Variants in OOSP2 observed in about 807,000 individuals in gnomAD.
OOSP2 encodes the protein oocyte-secreted protein 2.
Under a neutral mutation model 13.4 loss-of-function variants are expected in OOSP2, and 7 were observed. That is an observed-to-expected ratio of 0.52 (90% CI 0.30 to 0.98). OOSP2 has a LOEUF of 0.98. Ranked by LOEUF, OOSP2 falls within the 50% of genes least tolerant of loss-of-function variation. The pLI is 0.07. For synonymous variants in OOSP2, 75 were observed against 67.2 expected (o/e 1.12, Z -0.57); for missense variants, 184 against 188.5 (o/e 0.98, Z 0.14).
intron 3 of OOSP2, 115 bp from the exon 4 acceptor site, chr11:60,046,829 T>C: frequency 3.4e-6 from 3 of 885,298 alleles, no homozygotes; most frequent in Non-Finnish European, 3.9e-6. Flanking sequence ...ATGCTGGCTC[T>C]ATGCCATACT....
intron 3 of OOSP2, chr11:60,046,617 T>G (rs902326780): frequency 4.2e-6 from 2 of 471,560 alleles, no homozygotes; most frequent in African/African-American, 3.9e-5. Flanking sequence ...TTACTGTTCT[T>G]AGGATCCATT....
At position 60,047,046 on chromosome 11, in the gene OOSP2, A is replaced by G. The variant is rs764548711; in HGVS notation, c.450A>G (p.Leu150=). The stretch of plus-strand genomic sequence containing the variant: ...AGACAACAGCAGAAGAGTTAGGATT[A>G]TTATCTTCTAGTCCAAACTTGCTCT... ...DFQTTAEELG[L]LSSSPNLL is the part of the protein sequence containing the mutation. The change falls in exon 4 of 4, where the codon TTA becomes TTG. Residue 150 remains leucine, a synonymous_variant. Coordinates refer to ENST00000278855, the MANE Select transcript of OOSP2 (RefSeq NM_173801.5). 71 of 1,611,140 alleles carry G rather than the reference A, an allele frequency of 4.4e-5. No homozygotes were observed. Among genetic ancestry groups the G allele is most frequent in the Non-Finnish European group, 5.7e-5 (67 of 1,177,908 alleles).
At chr11:60,045,180 G>A (rs1434414393) in intron 3 of OOSP2, among the ~76,000 whole-genome samples, 1 of 152,040 alleles carries the variant, frequency 6.6e-6, no homozygotes, top group African/African-American at 2.4e-5. Flanking sequence ...TCTTATAAGA[G>A]TAAGTGGCTA....
chr11:60,043,903 A>G (rs1854973435), intron 2 of OOSP2, among the ~76,000 whole-genome samples: 1 of 152,216 alleles, frequency 6.6e-6, no homozygotes, highest in African/African-American at 2.4e-5. Flanking sequence ...ATTTTACTAA[A>G]TATTAGCAGA....
At chr11:60,046,492 G>A (rs1855009906) in intron 3 of OOSP2, among the ~76,000 whole-genome samples, 1 of 151,954 alleles carries the variant, frequency 6.6e-6, no homozygotes, top group Non-Finnish European at 1.5e-5. Flanking sequence ...TTTAGGTTTT[G>A]GGTGCATGAA....
Position 60,047,053 on chromosome 11 carries a change from T to A in OOSP2, c.457T>A (p.Ser153Thr). The A allele has an allele frequency of 6.2e-7, 1 of 1,611,568 alleles. No individual in the cohort carries two copies. The highest frequency in any genetic ancestry group is 8.5e-7 in the Non-Finnish European group (1 of 1,178,394). ...TTAEELGLLS[S>T]SPNLL ...AGCAGAAGAGTTAGGATTATTATCT[T>A]CTAGTCCAAACTTGCTCTGAGCTAA... The change falls in exon 4 of 4, where the codon TCT becomes ACT. Residue 153 changes from serine (S) to threonine (T), a missense_variant. Coordinates refer to ENST00000278855, the MANE Select transcript of OOSP2 (RefSeq NM_173801.5).
intron 1 of OOSP2, among the ~76,000 whole-genome samples, chr11:60,041,951 C>A (rs540983009): frequency 6.7e-6 from 1 of 149,928 alleles, no homozygotes; most frequent in Non-Finnish European, 1.5e-5. Context: ...CCAAGGTGGG[C>A]GGATCACGAG....
chr11:60,042,601 A>G (rs1854950251), intron 1 of OOSP2, among the ~76,000 whole-genome samples: 1 of 152,196 alleles, frequency 6.6e-6, no homozygotes, highest in Admixed American at 6.5e-5. Context: ...AATATAGAGG[A>G]TAAAGATGGG....
Position 60,040,540 on chromosome 11 carries a change from AG to A in OOSP2, c.64+18del. 1 of 1,414,798 alleles carries A rather than the reference AG, an allele frequency of 7.1e-7. No homozygotes were observed. Among genetic ancestry groups the A allele is most frequent in the East Asian group, 2.3e-5 (1 of 43,988 alleles). 87.6% of individuals were successfully genotyped at this position (1,414,798 alleles called of 1,614,324 possible). The stretch of plus-strand genomic sequence containing the variant: ...ACCTCCATGGTAAATAACAAGTTTT[AG>A]AGAATGCTTCCTCGAAGGAGTTAAT... On this transcript the variant is annotated intron_variant, in intron 1 of 3. Transcript: ENST00000278855.
intron 1 of OOSP2, among the ~76,000 whole-genome samples, chr11:60,042,936 T>G (rs143935126): frequency 0.024 from 3,676 of 151,820 alleles, 148 homozygotes; most frequent in African/African-American, 0.076. Context: ...TTGGAGTCTC[T>G]CTCTGTCACC....
rs1389565876 is a variant in OOSP2 at position 60,040,487 on chromosome 11, G to A, written c.28G>A (p.Ala10Thr). The A allele has an allele frequency of 3.7e-6, 6 of 1,603,952 alleles. No homozygotes were observed. Among genetic ancestry groups the A allele is most frequent in the East Asian group, 2.2e-5 (1 of 44,844 alleles). ...GGCGTTAGAAGTCTTGATGCTCCTC[G>A]CTGTCTTGATTTGGACCGGTGCTGA... Reference protein sequence around the residue: MALEVLMLLAVLIWTGAENL... With the variant: MALEVLMLLTVLIWTGAENL... The change falls in exon 1 of 4, where the codon GCT becomes ACT. Residue 10 changes from alanine to threonine, a missense_variant. Coordinates refer to ENST00000278855, the MANE Select transcript of OOSP2 (RefSeq NM_173801.5).
chr11:60,045,592 G>A (rs1854997221), intron 3 of OOSP2, among the ~76,000 whole-genome samples: 1 of 145,250 alleles, frequency 6.9e-6, no homozygotes, highest in Non-Finnish European at 1.5e-5. Context: ...TTTAATTTTG[G>A]TAAAATATAC....
chr11:60,041,850 C>CAAAAAAAAA (rs571172974), intron 1 of OOSP2, among the ~76,000 whole-genome samples: 6,369 of 36,216 alleles, frequency 0.18, 1,038 homozygotes, highest in East Asian at 0.38. Flanking sequence ...GACTCTGTCT[C>CAAAAAAAAA]AAAAAAAAAA....
At chr11:60,040,641 A>C (rs1346258014) in intron 1 of OOSP2, 118 bp downstream of exon 1, 10 of 659,408 alleles carry the variant, frequency 1.5e-5, no homozygotes, top group East Asian at 2.6e-5. Flanking sequence ...CTAGAAGAAG[A>C]AGCGCTTTCA....
chr11:60,046,911 A>G (rs1422678522), intron 3 of OOSP2, 33 bp from the exon 4 acceptor site: 2 of 1,595,274 alleles, frequency 1.3e-6, no homozygotes, highest in Non-Finnish European at 1.7e-6. Context: ...AAGTGCTCCA[A>G]CACTATCTGC....
intron 3 of OOSP2, among the ~76,000 whole-genome samples, chr11:60,046,522 C>G (rs1855010200): frequency 6.6e-6 from 1 of 152,142 alleles, no homozygotes; most frequent in Non-Finnish European, 1.5e-5. Context: ...TGTAGTCTCT[C>G]TCTCTCATAT....
In OOSP2 at chr11:60,040,506, G is replaced by C. The variant is rs749848387; in HGVS notation, c.47G>C (p.Gly16Ala). ...LMLLAVLIWTGAENLHVKISC... is the reference protein window; with the variant it reads ...LMLLAVLIWTAAENLHVKISC... ...CTCCTCGCTGTCTTGATTTGGACCG[G>C]TGCTGAGAACCTCCATGGTAAATAA... is the stretch of plus-strand genomic sequence containing the variant. Residue 16 changes from glycine (G) to alanine (A), a missense_variant, in exon 1 of 4, where the codon GGT (glycine) becomes GCT (alanine). Coordinates refer to ENST00000278855, the MANE Select transcript of OOSP2 (RefSeq NM_173801.5). 1.3e-6 allele frequency: 2 copies of C among 1,592,122 alleles called. No homozygotes were observed. The highest frequency in any genetic ancestry group is 1.7e-6 in the Non-Finnish European group (2 of 1,159,938).
At position 60,047,257 on chromosome 11, in the gene OOSP2, T is replaced by G. The variant is rs1855020411; in HGVS notation, c.*184T>G. The G allele has an allele frequency of 3.8e-6, 2 of 523,662 alleles. No individual in the cohort carries two copies. The highest frequency in any genetic ancestry group is 3.4e-6 in the Non-Finnish European group (1 of 295,720). The allele number at this position is 523,662 out of a possible 1,614,324, so 32.4% of individuals were successfully genotyped here. On this transcript the variant is annotated 3_prime_UTR_variant, in exon 4 of 4. Transcript: ENST00000278855. The stretch of plus-strand genomic sequence containing the variant: ...AATGTGTATTTCTAAATATTTGTAT[T>G]CAGTAGGGGTATGGCTGATTAATTT...
Position 60,046,817 on chromosome 11 carries a change from G to A in OOSP2, c.348-127G>A, listed in dbSNP as rs1221039789. ...AGTCCACGAGGATCTAGAAGGCATA[G>A]TATGCTGGCTCTATGCCATACTCCT... On this transcript the variant is annotated intron_variant, in intron 3 of 3. Coordinates refer to ENST00000278855, the MANE Select transcript of OOSP2 (RefSeq NM_173801.5). 4.8e-6 allele frequency: 4 copies of A among 832,826 alleles called. No individual in the cohort carries two copies. The African/African-American group carries it at 5.0e-5, about 10-fold the overall frequency. 51.6% of individuals were successfully genotyped at this position (832,826 alleles called of 1,614,324 possible). A position where few individuals can be genotyped will look rare whatever the true frequency, so the allele number is the denominator to read the frequency against.
Sources: allele counts gnomAD v4.1 joint callset (sites outside exome capture counted in the v4.1 genomes callset), GRCh38; gene constraint gnomAD v4.1.1; transcripts MANE v1.5; gene names NCBI Gene and HGNC (gene_info 2026-07-23, HGNC 2026-07-21).